BAIAP2: variants seen among roughly 807,000 people sequenced by gnomAD.
The protein encoded by BAIAP2 is BAR/IMD domain-containing adapter protein 2.
BAIAP2 carries 18 observed loss-of-function variants against 63.0 expected under a neutral mutation model. The ratio of observed to expected loss-of-function variants is 0.29; its 90% CI spans 0.20 to 0.42. The LOEUF is 0.42. Among genes scored for constraint, BAIAP2 ranks in the 10% least tolerant of loss-of-function variants. BAIAP2 has a pLI of 1.00. For missense variants in BAIAP2, 610 were observed against 734.3 expected (o/e 0.83, Z 1.96); for synonymous variants, 386 against 307.6 (o/e 1.25, Z -2.67).
intron 6 of BAIAP2, among the ~76,000 whole-genome samples, chr17:81,097,394 T>A (rs2057800594): frequency 6.6e-6 from 1 of 152,218 alleles, no homozygotes; most frequent in Non-Finnish European, 1.5e-5. Context: ...ACCCACACCC[T>A]GCCAGGCTGG....
intron 6 of BAIAP2, among the ~76,000 whole-genome samples, chr17:81,093,008 C>T (rs992919165): frequency 2.6e-5 from 4 of 151,222 alleles, no homozygotes; most frequent in African/African-American, 7.3e-5. Flanking sequence ...GAGCAGGGCC[C>T]GGGGGACGTG....
At chr17:81,114,395 A>C (rs1442591592) in intron 13 of BAIAP2, among the ~76,000 whole-genome samples, 1 of 152,056 alleles carries the variant, frequency 6.6e-6, no homozygotes, top group Non-Finnish European at 1.5e-5. Context: ...ATGGGCAGAC[A>C]TCAGTGATGG....
At chr17:81,044,509 A>G (rs1439033246) in intron 1 of BAIAP2, among the ~76,000 whole-genome samples, 1 of 152,104 alleles carries the variant, frequency 6.6e-6, no homozygotes, top group African/African-American at 2.4e-5. Context: ...AGTTACTTTT[A>G]TCGCCTTCCT....
intron 13 of BAIAP2, among the ~76,000 whole-genome samples, chr17:81,114,227 G>A (rs73367943): frequency 6.6e-6 from 1 of 150,650 alleles, no homozygotes; most frequent in African/African-American, 2.5e-5. Flanking sequence ...TCCTGCTTTG[G>A]CCTCTCAGAG....
intron 6 of BAIAP2, among the ~76,000 whole-genome samples, chr17:81,097,017 G>T (rs745886932): frequency 1.3e-5 from 2 of 152,206 alleles, no homozygotes; most frequent in Non-Finnish European, 2.9e-5. Flanking sequence ...GGGGGTGGCG[G>T]CAGAGGCCTC....
In BAIAP2 at chr17:81,116,322, T is replaced by G; in HGVS notation, c.*483T>G. 5.0e-6 allele frequency: 8 copies of G among 1,612,634 alleles called. No individual in the cohort carries two copies. Among genetic ancestry groups the G allele is most frequent in the Non-Finnish European group, 6.8e-6 (8 of 1,179,820 alleles). On this transcript the variant is annotated 3_prime_UTR_variant, in exon 14 of 14. Transcript: ENST00000428708. ...GGAAGATGAACTTCCCGTAAGCACGTAATTCCCTGCAGGTCCGGCAGCTAC... is the reference window on the plus strand; with the variant it reads ...GGAAGATGAACTTCCCGTAAGCACGGAATTCCCTGCAGGTCCGGCAGCTAC...
At chr17:81,071,907 G>A (rs1187989938) in intron 3 of BAIAP2, among the ~76,000 whole-genome samples, 1 of 152,228 alleles carries the variant, frequency 6.6e-6, no homozygotes, top group Non-Finnish European at 1.5e-5. Flanking sequence ...GAGCATGCAG[G>A]TCTATGCCTC....
chr17:81,052,129 A>ACGC (rs745426236), intron 1 of BAIAP2, among the ~76,000 whole-genome samples: 11 of 151,534 alleles, frequency 7.3e-5, no homozygotes, highest in Non-Finnish European at 1.3e-4. Context: ...TTCCACCCTC[A>ACGC]CGCCGGGTCC....
intron 10 of BAIAP2, chr17:81,105,170 GGCAGGGGTCTCCCCCCAA>G (rs2059022055): frequency 2.8e-5 from 3 of 106,624 alleles, no homozygotes; most frequent in Non-Finnish European, 7.0e-5. Flanking sequence ...TCCCCCCAAT[GGCAGGGGTCTCCCCCCAA>G]TGGCTCGGGT....
At chr17:81,112,267 G>C (rs2060010725) in intron 13 of BAIAP2, among the ~76,000 whole-genome samples, 1 of 152,244 alleles carries the variant, frequency 6.6e-6, no homozygotes, top group South Asian at 2.1e-4. Flanking sequence ...CCTCTGTCAG[G>C]GACCACGTCC....
At chr17:81,070,959 C>G (rs577042925) in intron 3 of BAIAP2, among the ~76,000 whole-genome samples, 1 of 152,340 alleles carries the variant, frequency 6.6e-6, no homozygotes, top group African/African-American at 2.4e-5. Context: ...GGCCTCTGCT[C>G]TCCCTCCACC....
intron 13 of BAIAP2, chr17:81,109,121 C>A: frequency 6.9e-7 from 1 of 1,458,788 alleles, no homozygotes; most frequent in Non-Finnish European, 9.1e-7. Flanking sequence ...CCACCTGCCC[C>A]ATGCCTTTTG....
intron 2 of BAIAP2, 172 bp from the exon 3 acceptor site, chr17:81,057,709 A>G (rs1222155152): frequency 7.9e-6 from 11 of 1,387,688 alleles, no homozygotes; most frequent in Non-Finnish European, 1.0e-5. Context: ...AAGAATATCA[A>G]CAAGAGATGG....
chr17:81,046,894 C>A lies in BAIAP2; in HGVS notation c.55-6774C>A, dbSNP rs2047896069. 6.6e-6 allele frequency among the ~76,000 whole-genome samples: 1 copy of A among 152,214 alleles called. No homozygotes were observed. The highest frequency in any genetic ancestry group is 2.4e-5 in the African/African-American group (1 of 41,466). On this transcript the variant is annotated intron_variant, in intron 1 of 13. Coordinates refer to ENST00000428708, the MANE Select transcript of BAIAP2 (RefSeq NM_001144888.2). The surrounding 1 kb of genome is among the most constrained non-coding windows in gnomAD (Gnocchi z 4.5). ...TGTGTGTGGGGTCCTCATGCTGTGG[C>A]TGTGGTGGCACAGCGGGCTGGGGGA...
intron 3 of BAIAP2, among the ~76,000 whole-genome samples, chr17:81,075,109 C>T (rs905734001): frequency 2.6e-5 from 4 of 152,224 alleles, no homozygotes; most frequent in Admixed American, 6.5e-5. Flanking sequence ...AAGCCAGCCT[C>T]GGCTCAGCTC....
chr17:81,097,488 C>T (rs995817840), intron 6 of BAIAP2: 2 of 152,334 alleles, frequency 1.3e-5, no homozygotes, highest in Non-Finnish European at 2.9e-5. Flanking sequence ...CCCACCCGGC[C>T]CGGCACTGCC....
At chr17:81,075,458 G>A (rs1033149415) in intron 3 of BAIAP2, among the ~76,000 whole-genome samples, 10 of 152,320 alleles carry the variant, frequency 6.6e-5, no homozygotes, top group South Asian at 4.2e-4. Context: ...GCCGCCTTCC[G>A]GTGGGCTCCC....
chr17:81,044,318 G>A lies in BAIAP2; in HGVS notation c.54+9010G>A, dbSNP rs1030543885. 5.9e-5 allele frequency among the ~76,000 whole-genome samples: 9 copies of A among 152,368 alleles called. No homozygotes were observed. The South Asian group carries it at 6.2e-4, about 11-fold the overall frequency. On this transcript the variant is annotated intron_variant, in intron 1 of 13. Coordinates refer to ENST00000428708, the MANE Select transcript of BAIAP2 (RefSeq NM_001144888.2). ...AGGCGGTGACCAGACTTGGGTCTGCGATTGGCGGTAATGAGTGACCTAGTG... is the reference window on the plus strand; with the variant it reads ...AGGCGGTGACCAGACTTGGGTCTGCAATTGGCGGTAATGAGTGACCTAGTG...
At chr17:81,103,411 G>T (rs968087488) in intron 7 of BAIAP2, 91 bp from the exon 8 acceptor site, 2 of 1,233,996 alleles carry the variant, frequency 1.6e-6, no homozygotes, top group African/African-American at 3.0e-5. Flanking sequence ...TCCAGCCCCA[G>T]AGAGTGCTCA....
Sources: gnomAD v4.1 joint callset for allele counts (sites outside exome capture counted in the v4.1 genomes callset) on GRCh38, gnomAD v4.1.1 for gene constraint, Gnocchi (gnomAD v3.1) non-coding constraint, MANE v1.5 for transcripts, NCBI Gene and HGNC (gene_info 2026-07-23, HGNC 2026-07-21) for gene names.